EPB41: variants seen among roughly 807,000 people sequenced by gnomAD.
The protein encoded by EPB41 is protein 4.1.
EPB41 carries 65 observed loss-of-function variants against 108.0 expected under a neutral mutation model. The observed-to-expected ratio is 0.60, with a 90% confidence interval of 0.49 to 0.74. The LOEUF is 0.74. Ranked by LOEUF, EPB41 falls within the 30% of genes least tolerant of loss-of-function variation. EPB41 has a pLI of 0.00. For synonymous variants in EPB41, 336 were observed against 358.9 expected, an observed-to-expected ratio of 0.94 and a Z score of 0.72; for missense variants, 875 against 1,037.0, an observed-to-expected ratio of 0.84 and a Z score of 2.15.
intron 1 of EPB41, among the ~76,000 whole-genome samples, chr1:28,931,372 TAA>T (rs533690754): frequency 1.1e-3 from 108 of 98,804 alleles, no homozygotes; most frequent in Admixed American, 1.5e-3. Context: ...ACTCTGTCAT[TAA>T]AAAAAAAAAA....
rs999175187 is a variant in EPB41, at chr1:29,025,567, T to A, written c.1125-4833T>A. ...GAAATTTTAGGGAAAACCTTGATCA[T>A]TAAAATTTAAGGCAAAAAATAATTT... On this transcript the variant is annotated intron_variant, in intron 7 of 20. Transcript: ENST00000343067. Among the ~76,000 whole-genome samples, 91 of 152,062 alleles carry A rather than the reference T, an allele frequency of 6.0e-4. 7 individuals carry two copies. Among genetic ancestry groups the A allele is most frequent in the African/African-American group, 2.2e-3 (89 of 41,304 alleles).
chr1:28,955,556 G>C (rs1369020022), intron 1 of EPB41, among the ~76,000 whole-genome samples: 1 of 152,114 alleles, frequency 6.6e-6, no homozygotes, highest in East Asian at 1.9e-4. Context: ...TGTTGGTCAG[G>C]ATGGTCTTGA....
At chr1:28,913,321 C>G (rs1027425282), upstream of EPB41, among the ~76,000 whole-genome samples, 1 of 152,184 alleles carries the variant, frequency 6.6e-6, no homozygotes, top group Non-Finnish European at 1.5e-5. Flanking sequence ...GCCTGTAGTC[C>G]CAGCTACTCG....
chr1:29,112,506 A>C, intron 19 of EPB41, 58 bp downstream of exon 19: 1 of 1,367,940 alleles, frequency 7.3e-7, no homozygotes, highest in Non-Finnish European at 1.0e-6. Context: ...AAGACCGATG[A>C]ATACAGGAGT....
intron 11 of EPB41, among the ~76,000 whole-genome samples, chr1:29,048,701 C>G (rs1643959798): frequency 6.6e-6 from 1 of 152,164 alleles, no homozygotes; most frequent in African/African-American, 2.4e-5. Flanking sequence ...TTACTCTTCA[C>G]CATGATGACT....
chr1:29,022,387 A>AG (rs1181003374), intron 7 of EPB41, among the ~76,000 whole-genome samples: 1 of 151,194 alleles, frequency 6.6e-6, no homozygotes, highest in Admixed American at 6.6e-5. Flanking sequence ...AAAAAAAAAA[A>AG]AAAAGAAACT....
At position 29,007,100 on chromosome 1, in the gene EPB41, T is replaced by G. The variant is rs150541298; in HGVS notation, c.787-4765T>G. Among the ~76,000 whole-genome samples the G allele has an allele frequency of 6.8e-4, 78 of 114,530 alleles. No homozygotes were observed. In the East Asian group the frequency reaches 0.014, roughly 20 times the overall value. 75.1% of individuals were successfully genotyped at this position (114,530 alleles called of 152,430 possible). A position where few individuals can be genotyped will look rare whatever the true frequency, so the allele number is the denominator to read the frequency against. ...ATAGTTCATTCTCATTACTGTATAA[T>G]TTTTTTTTTTGAGACAGGGTCTCAC... On this transcript the variant is annotated intron_variant, in intron 4 of 20. Coordinates refer to ENST00000343067, the MANE Select transcript of EPB41 (RefSeq NM_001376013.1).
intron 3 of EPB41, among the ~76,000 whole-genome samples, chr1:28,994,413 T>C (rs201500468): frequency 6.6e-6 from 1 of 151,914 alleles, no homozygotes; most frequent in African/African-American, 2.4e-5. Context: ...CCTCGTGATC[T>C]GCCCGCCTCG....
chr1:29,057,843 A>T (rs1645820527), intron 12 of EPB41, among the ~76,000 whole-genome samples: 1 of 152,190 alleles, frequency 6.6e-6, no homozygotes. Flanking sequence ...AATATCAAGG[A>T]TGAATCTTGC....
At chr1:29,017,538 T>G (rs1452357150) in intron 6 of EPB41, among the ~76,000 whole-genome samples, 1 of 152,198 alleles carries the variant, frequency 6.6e-6, no homozygotes, top group Admixed American at 6.5e-5. Flanking sequence ...CCCAACAGTT[T>G]AGCACACAGA....
At chr1:28,940,919 G>A (rs1349061011) in intron 1 of EPB41, among the ~76,000 whole-genome samples, 1 of 151,990 alleles carries the variant, frequency 6.6e-6, no homozygotes, top group Non-Finnish European at 1.5e-5. Context: ...TTTCTTACTG[G>A]GAACTTTTCA....
Position 29,044,617 on chromosome 1 carries a change from G to A in EPB41, c.1636+5191G>A, listed in dbSNP as rs573083280. Among the ~76,000 whole-genome samples, 270 of 152,150 alleles carry A rather than the reference G, an allele frequency of 1.8e-3. 1 individual carries two copies. The highest frequency in any genetic ancestry group is 6.3e-3 in the African/African-American group (261 of 41,494). On this transcript the variant is annotated intron_variant, in intron 11 of 20. Coordinates refer to ENST00000343067, the MANE Select transcript of EPB41 (RefSeq NM_001376013.1). ...AGCACTTTGGGAGGCTGAGGCGGGC[G>A]GATCATTTGAGGTCAGGAGTTCGAG...
intron 11 of EPB41, among the ~76,000 whole-genome samples, chr1:29,041,841 T>C (rs1641655970): frequency 6.6e-6 from 1 of 152,238 alleles, no homozygotes; most frequent in Non-Finnish European, 1.5e-5. Flanking sequence ...GCCTCAGTTT[T>C]ATCATTTGTA....
intron 1 of EPB41, among the ~76,000 whole-genome samples, chr1:28,925,269 G>C (rs1205097208): frequency 1.3e-5 from 2 of 151,864 alleles, no homozygotes; most frequent in Non-Finnish European, 2.9e-5. Context: ...GGCCATTCTG[G>C]CTAATTTTTA....
In EPB41 at chr1:29,115,718, A is replaced by G; in HGVS notation, c.2516A>G (p.Lys839Arg). ...TTGTAGGTCCTTGTACAAGCCATCAAGGAGGCAAAGGAGCAGCACCCAGAC... is the reference window on the plus strand; with the variant it reads ...TTGTAGGTCCTTGTACAAGCCATCAGGGAGGCAAAGGAGCAGCACCCAGAC... The part of the protein sequence containing the change: ...DHDQVLVQAI[K>R]EAKEQHPDMS... The change falls in exon 20 of 21, where the codon AAG (lysine) becomes AGG (arginine). Residue 839 changes from lysine to arginine, a missense_variant. Transcript: ENST00000343067. This position sits in a 1 kb window ranked among gnomAD's most constrained non-coding sequence, Gnocchi z 4.4. 1 of 1,614,050 alleles carries G rather than the reference A, an allele frequency of 6.2e-7. No individual in the cohort carries two copies. Among genetic ancestry groups the G allele is most frequent in the Non-Finnish European group, 8.5e-7 (1 of 1,179,996 alleles).
intron 1 of EPB41, among the ~76,000 whole-genome samples, chr1:28,959,808 T>G (rs1427353729): frequency 6.6e-6 from 1 of 151,960 alleles, no homozygotes; most frequent in East Asian, 1.9e-4. Flanking sequence ...ATGTTCTTCC[T>G]TGCTCTCTTT....
chr1:29,102,588 A>T (rs984748551), intron 17 of EPB41, among the ~76,000 whole-genome samples: 9 of 144,152 alleles, frequency 6.2e-5, no homozygotes, highest in African/African-American at 2.0e-4. Flanking sequence ...ATTTTATTTT[A>T]TTATTATTAT....
At chr1:29,097,700 G>T in intron 16 of EPB41, 107 bp from the exon 17 acceptor site, 2 of 1,356,010 alleles carry the variant, frequency 1.5e-6, no homozygotes, top group Non-Finnish European at 2.1e-6. Context: ...GATTGAGCTA[G>T]CTCTGTACTT....
In EPB41 at chr1:28,954,877, G is replaced by A. The variant is rs146174347; in HGVS notation, c.-7-32554G>A. On this transcript the variant is annotated intron_variant, in intron 1 of 20. Coordinates refer to ENST00000343067, the MANE Select transcript of EPB41 (RefSeq NM_001376013.1). Reference sequence around the variant, plus strand: ...TTAATTATGTAGACCCCGTTCGTGTGATACGAGTTATAATTTTAATAATTC... The same window carrying A: ...TTAATTATGTAGACCCCGTTCGTGTAATACGAGTTATAATTTTAATAATTC... 3.7e-3 allele frequency among the ~76,000 whole-genome samples: 569 copies of A among 152,274 alleles called. 6 individuals carry two copies. Among genetic ancestry groups the A allele is most frequent in the African/African-American group, 0.013 (530 of 41,564 alleles).
Sources: gnomAD v4.1 joint callset for allele counts (sites outside exome capture counted in the v4.1 genomes callset) on GRCh38, gnomAD v4.1.1 for gene constraint, Gnocchi (gnomAD v3.1) non-coding constraint, MANE v1.5 for transcripts, NCBI Gene and HGNC (gene_info 2026-07-23, HGNC 2026-07-21) for gene names.